The following CTNNA2 variants were observed in gnomAD, a reference collection of about 807,000 sequenced individuals.
The protein encoded by CTNNA2 is catenin alpha-2.
Under a neutral mutation model 101.0 loss-of-function variants are expected in CTNNA2, and 42 were observed. The observed-to-expected ratio is 0.42, with a 90% CI of 0.32 to 0.54. The LOEUF is 0.54. Among genes scored for constraint, CTNNA2 ranks in the 20% least tolerant of loss-of-function variants. The pLI is 0.14. For missense variants in CTNNA2, 871 were observed against 1,223.1 expected (o/e 0.71, Z 4.29); for synonymous variants, 450 against 456.4 (o/e 0.99, Z 0.18).
chr2:80,631,809 T>C lies in CTNNA2; in HGVS notation c.2574+12581T>C, dbSNP rs186326652. Among the ~76,000 whole-genome samples the C allele has an allele frequency of 5.9e-3, 898 of 152,284 alleles. 6 individuals are homozygous for C. Among genetic ancestry groups the C allele is most frequent in the South Asian group, 0.034 (166 of 4,824 alleles). On this transcript the variant is annotated intron_variant, in intron 18 of 18. Transcript: ENST00000402739. ...GAATCCCTGGTAATTGTCTATTAGC[T>C]AGCAAGTTCTTCCTCCCTAAGCCTC...
chr2:79,836,881 C>T (rs978718510), intron 3 of CTNNA2, among the ~76,000 whole-genome samples: 2 of 152,180 alleles, frequency 1.3e-5, no homozygotes, highest in Admixed American at 6.5e-5. Flanking sequence ...ATGATCCTCC[C>T]GCCTCAGCCT....
chr2:79,654,393 A>C (rs1333536594), intron 2 of CTNNA2, among the ~76,000 whole-genome samples: 1 of 152,152 alleles, frequency 6.6e-6, no homozygotes, highest in Non-Finnish European at 1.5e-5. Context: ...GGAGGCATCT[A>C]GTTCCTTGCC....
intron 7 of CTNNA2, among the ~76,000 whole-genome samples, chr2:79,952,151 G>A (rs1398459919): frequency 6.6e-6 from 1 of 151,994 alleles, no homozygotes; most frequent in Non-Finnish European, 1.5e-5. Context: ...TTGTATTTGT[G>A]GTCTCTCCAG....
intron 9 of CTNNA2, among the ~76,000 whole-genome samples, chr2:80,426,217 T>C (rs1331885113): frequency 6.6e-6 from 1 of 152,130 alleles, no homozygotes; most frequent in Non-Finnish European, 1.5e-5. Flanking sequence ...GTCTAAGCCT[T>C]CTGGAGAAAT....
At chr2:79,798,371 A>G (rs1675887511) in intron 3 of CTNNA2, among the ~76,000 whole-genome samples, 1 of 152,128 alleles carries the variant, frequency 6.6e-6, no homozygotes, top group Non-Finnish European at 1.5e-5. Context: ...GGACTTTCCA[A>G]TCCTCATGGA....
chr2:79,883,190 G>A (rs1380819455), intron 6 of CTNNA2, among the ~76,000 whole-genome samples: 1 of 152,208 alleles, frequency 6.6e-6, no homozygotes, highest in Non-Finnish European at 1.5e-5. Flanking sequence ...AGTCACGAGT[G>A]TGTCAAACCC....
intron 2 of CTNNA2, among the ~76,000 whole-genome samples, chr2:79,289,687 G>A (rs1048168889): frequency 1.3e-5 from 2 of 152,188 alleles, no homozygotes; most frequent in Admixed American, 1.3e-4. Flanking sequence ...AGAGATTGCA[G>A]TGAGCTGAGA....
chr2:79,566,227 A>C (rs189219243), intron 1 of CTNNA2, among the ~76,000 whole-genome samples: 2 of 152,306 alleles, frequency 1.3e-5, no homozygotes, highest in Admixed American at 6.5e-5. Context: ...AAAGTATTTC[A>C]TGAAAAAGTT....
intron 6 of CTNNA2, among the ~76,000 whole-genome samples, chr2:79,882,463 G>T (rs114093579): frequency 6.6e-6 from 1 of 152,176 alleles, no homozygotes; most frequent in African/African-American, 2.4e-5. Context: ...GATGGGTCAG[G>T]CTCAGGCCTG....
intron 2 of CTNNA2, among the ~76,000 whole-genome samples, chr2:79,307,870 C>T (rs1298668061): frequency 6.6e-6 from 1 of 152,130 alleles, no homozygotes; most frequent in African/African-American, 2.4e-5. Flanking sequence ...CATAACCTCA[C>T]CAACATTTGT....
intron 3 of CTNNA2, among the ~76,000 whole-genome samples, chr2:79,781,666 G>A (rs776245715): frequency 8.5e-5 from 13 of 152,104 alleles, no homozygotes; most frequent in Non-Finnish European, 1.6e-4. Context: ...ATCTGAACTG[G>A]AAGTAAACAA....
chr2:80,566,833 CA>C (rs1194008966), intron 12 of CTNNA2, among the ~76,000 whole-genome samples: 1 of 152,142 alleles, frequency 6.6e-6, no homozygotes, highest in Non-Finnish European at 1.5e-5. Flanking sequence ...AAACTAATGG[CA>C]TCATCAGGAA....
chr2:79,229,920 G>A (rs959779773), intron 2 of CTNNA2, among the ~76,000 whole-genome samples: 1 of 152,250 alleles, frequency 6.6e-6, no homozygotes. Flanking sequence ...AGAGATTTGT[G>A]GAACTTTGAA....
chr2:80,032,870 C>T (rs59339425), intron 7 of CTNNA2, among the ~76,000 whole-genome samples: 3,271 of 152,026 alleles, frequency 0.022, 117 homozygotes, highest in African/African-American at 0.075. Flanking sequence ...GACAAGATAA[C>T]GACCGGGCGC....
chr2:80,376,285 T>G (rs996238997), intron 7 of CTNNA2, among the ~76,000 whole-genome samples: 1 of 152,156 alleles, frequency 6.6e-6, no homozygotes, highest in Non-Finnish European at 1.5e-5. Context: ...ACACAGAGGT[T>G]TCCATCTTGC....
At chr2:79,621,490 A>C (rs921185974) in intron 1 of CTNNA2, among the ~76,000 whole-genome samples, 1 of 152,196 alleles carries the variant, frequency 6.6e-6, no homozygotes, top group African/African-American at 2.4e-5. Flanking sequence ...GAAATCTCCC[A>C]GTGGCAAAGC....
At position 79,744,459 on chromosome 2, in the gene CTNNA2, G is replaced by T. The variant is rs755217215; in HGVS notation, c.175G>T (p.Val59Leu). The T allele has an allele frequency of 5.0e-6, 8 of 1,614,020 alleles. No homozygotes were observed. In the African/African-American group the frequency reaches 1.1e-4, roughly 22 times the overall value. Reference sequence around the variant, plus strand: ...GAAAGGGAGGTCAAAGAAAGCCCATGTACTAGCTGCCTCTGTAGAGCAAGC... The same window carrying T: ...GAAAGGGAGGTCAAAGAAAGCCCATTTACTAGCTGCCTCTGTAGAGCAAGC... Reference protein sequence around the residue: ...KKKGRSKKAHVLAASVEQATQ... With the variant: ...KKKGRSKKAHLLAASVEQATQ... The change falls in exon 3 of 19, where the codon GTA becomes TTA. Residue 59 changes from valine to leucine, a missense_variant. Physicochemically the swap from Val to Leu is conservative, Grantham distance 32. This residue lies in a region of CTNNA2 where 647 missense variants were observed against 831.5 expected (regional missense o/e 0.78). Transcript: ENST00000402739.
At chr2:79,467,222 T>C (rs979781644) in intron 4 of CTNNA2, among the ~76,000 whole-genome samples, 1 of 152,076 alleles carries the variant, frequency 6.6e-6, no homozygotes, top group African/African-American at 2.4e-5. Context: ...GAGAACTACA[T>C]GACAAATGCA....
At chr2:79,967,260 C>T (rs1015243427) in intron 7 of CTNNA2, among the ~76,000 whole-genome samples, 1 of 152,018 alleles carries the variant, frequency 6.6e-6, no homozygotes, top group African/African-American at 2.4e-5. Context: ...TGTTCCTACC[C>T]CAACCATCCT....
Sources: gnomAD v4.1 joint callset for allele counts (sites outside exome capture counted in the v4.1 genomes callset) on GRCh38, gnomAD v4.1.1 for gene constraint, gnomAD v4.1.1 regional missense constraint, MANE v1.5 for transcripts, NCBI Gene and HGNC (gene_info 2026-07-23, HGNC 2026-07-21) for gene names.